The following MACROD2 variants were observed in gnomAD, a reference collection of about 807,000 sequenced individuals.
The protein encoded by MACROD2 is mono-ADP ribosylhydrolase 2.
In MACROD2, 36 loss-of-function variants were observed where a neutral mutation model predicts 70.4. The ratio of observed to expected loss-of-function variants is 0.51; its 90% CI spans 0.39 to 0.68. MACROD2 has a LOEUF of 0.68. MACROD2 is among the 30% of genes least tolerant of loss of function. The pLI is 0.00. For missense variants in MACROD2, 496 were observed against 538.4 expected, an observed-to-expected ratio of 0.92 and a Z score of 0.78; for synonymous variants, 172 against 178.8, an observed-to-expected ratio of 0.96 and a Z score of 0.30.
At chr20:15,923,834 G>A (rs1036318812) in intron 10 of MACROD2, among the ~76,000 whole-genome samples, 16 of 152,222 alleles carry the variant, frequency 1.1e-4, no homozygotes, top group Non-Finnish European at 1.6e-4. Flanking sequence ...AATTTCATAT[G>A]AAGTAAAGAG....
chr20:14,325,459 C>T (rs970395879), intron 3 of MACROD2: 9 of 1,292,644 alleles, frequency 7.0e-6, no homozygotes, highest in African/African-American at 4.5e-5. Context: ...TTTTTTCAGT[C>T]TCTTTTTCCA....
At chr20:14,025,250 T>C (rs747986205) in intron 2 of MACROD2, among the ~76,000 whole-genome samples, 45 of 152,190 alleles carry the variant, frequency 3.0e-4, no homozygotes, top group Non-Finnish European at 4.0e-4. Context: ...GTTTGATTCT[T>C]CTCTCTTTTC....
chr20:15,347,331 T>A (rs1014128134), intron 6 of MACROD2, among the ~76,000 whole-genome samples: 1 of 152,148 alleles, frequency 6.6e-6, no homozygotes, highest in Non-Finnish European at 1.5e-5. Context: ...ATATCTATCT[T>A]GGTTTTTACT....
intron 10 of MACROD2, among the ~76,000 whole-genome samples, chr20:15,929,562 C>A (rs1402901032): frequency 1.3e-5 from 2 of 152,102 alleles, no homozygotes; most frequent in Non-Finnish European, 2.9e-5. Context: ...ATCTATAGAC[C>A]TTTAGAAGAA....
At chr20:15,501,575 T>C (rs2047365169) in intron 8 of MACROD2, among the ~76,000 whole-genome samples, 1 of 152,232 alleles carries the variant, frequency 6.6e-6, no homozygotes. Context: ...TTTGAGTCCA[T>C]TCTTTTGCTT....
chr20:14,329,483 C>T (rs1031788314), intron 3 of MACROD2, among the ~76,000 whole-genome samples: 2 of 152,002 alleles, frequency 1.3e-5, no homozygotes, highest in Non-Finnish European at 2.9e-5. Context: ...TTTTAGACTT[C>T]TCATTTTCTT....
At chr20:14,363,847 A>T (rs1430224723) in intron 3 of MACROD2, among the ~76,000 whole-genome samples, 3 of 126,744 alleles carry the variant, frequency 2.4e-5, no homozygotes, top group South Asian at 2.5e-4. Flanking sequence ...AAAAAAAAAA[A>T]AATAAGATTA....
intron 3 of MACROD2, among the ~76,000 whole-genome samples, chr20:14,253,637 A>G (rs2082029648): frequency 6.6e-6 from 1 of 152,058 alleles, no homozygotes; most frequent in African/African-American, 2.4e-5. Flanking sequence ...CTTCCTTGCA[A>G]TTGAAATCAA....
intron 5 of MACROD2, among the ~76,000 whole-genome samples, chr20:14,783,830 T>C (rs2072331384): frequency 6.6e-6 from 1 of 152,112 alleles, no homozygotes; most frequent in Admixed American, 6.5e-5. Flanking sequence ...GTAGAATATG[T>C]ACCTCCCTTT....
rs115421480 is a variant in MACROD2, at chr20:15,013,129, G to A, written c.419-216811G>A. Among the ~76,000 whole-genome samples, 1,045 of 152,152 alleles carry A rather than the reference G, an allele frequency of 6.9e-3. 8 individuals carry two copies. The highest frequency in any genetic ancestry group is 0.023 in the African/African-American group (971 of 41,512). Reference sequence around the variant, plus strand: ...CTGAGTAGAACCCCTCTTTCTCCTCGAGTATTTCTCCCAGGCCTGGCCAGT... The same window carrying A: ...CTGAGTAGAACCCCTCTTTCTCCTCAAGTATTTCTCCCAGGCCTGGCCAGT... On this transcript the variant is annotated intron_variant, in intron 5 of 17. Transcript: ENST00000684519.
intron 8 of MACROD2, among the ~76,000 whole-genome samples, chr20:15,804,202 T>C (rs2063749788): frequency 6.6e-6 from 1 of 152,234 alleles, no homozygotes; most frequent in Non-Finnish European, 1.5e-5. Flanking sequence ...ATTTGATACA[T>C]GGAGCTATTG....
chr20:15,336,891 C>A (rs762306084), intron 6 of MACROD2, among the ~76,000 whole-genome samples: 9 of 151,662 alleles, frequency 5.9e-5, no homozygotes, highest in Non-Finnish European at 1.3e-4. Context: ...CTTGTTCTTT[C>A]CTGGGTTAGT....
At chr20:14,535,273 G>A (rs1380419504) in intron 4 of MACROD2, among the ~76,000 whole-genome samples, 1 of 152,094 alleles carries the variant, frequency 6.6e-6, no homozygotes, top group Admixed American at 6.6e-5. Context: ...GGAGGCTGAG[G>A]CGGGCGGATC....
At chr20:14,806,915 C>T (rs1050411573) in intron 5 of MACROD2, among the ~76,000 whole-genome samples, 6 of 152,112 alleles carry the variant, frequency 3.9e-5, no homozygotes, top group African/African-American at 1.4e-4. Flanking sequence ...GGCAGGGCAT[C>T]TCTGAAATAA....
intron 6 of MACROD2, among the ~76,000 whole-genome samples, chr20:15,346,129 C>T (rs972116991): frequency 3.3e-5 from 5 of 151,648 alleles, no homozygotes; most frequent in African/African-American, 9.7e-5. Context: ...TTTAAACAGG[C>T]CACAGTGCAG....
intron 5 of MACROD2, among the ~76,000 whole-genome samples, chr20:14,836,235 T>TA (rs2073028815): frequency 1.3e-5 from 2 of 152,114 alleles, no homozygotes; most frequent in Non-Finnish European, 1.5e-5. Context: ...AGTTTGCTGT[T>TA]ACGCTGTAAT....
At chr20:14,746,961 G>A (rs2071807580) in intron 5 of MACROD2, among the ~76,000 whole-genome samples, 1 of 152,052 alleles carries the variant, frequency 6.6e-6, no homozygotes, top group African/African-American at 2.4e-5. Flanking sequence ...TTGTTATTTG[G>A]TTATTTGGAA....
At chr20:15,295,585 A>C (rs1336684243) in intron 6 of MACROD2, among the ~76,000 whole-genome samples, 2 of 127,982 alleles carry the variant, frequency 1.6e-5, no homozygotes, top group African/African-American at 6.6e-5. Context: ...ATACTTATCA[A>C]TGTCTGTCAT....
At chr20:14,565,396 G>C (rs938282522) in intron 4 of MACROD2, among the ~76,000 whole-genome samples, 1 of 151,602 alleles carries the variant, frequency 6.6e-6, no homozygotes, top group African/African-American at 2.4e-5. Context: ...TCACCACAAG[G>C]ATTCCTCTTG....
Sources: gnomAD v4.1 joint callset for allele counts (sites outside exome capture counted in the v4.1 genomes callset) on GRCh38, gnomAD v4.1.1 for gene constraint, MANE v1.5 for transcripts, NCBI Gene and HGNC (gene_info 2026-07-23, HGNC 2026-07-21) for gene names.